APP: variants seen among roughly 807,000 people sequenced by gnomAD.
APP encodes the protein amyloid beta precursor protein.
Under a neutral mutation model 101.4 loss-of-function variants are expected in APP, and 31 were observed. That is an observed-to-expected ratio of 0.31 (90% confidence interval 0.23 to 0.41). APP has a LOEUF of 0.41. Ranked by LOEUF, APP falls within the 10% of genes least tolerant of loss-of-function variation. APP has a pLI of 1.00. For missense variants in APP, 839 were observed against 1,003.7 expected (o/e 0.84, Z 2.22); for synonymous variants, 366 against 364.4 (o/e 1.00, Z -0.05).
At chr21:26,064,778 T>A (rs1433032122) in intron 3 of APP, among the ~76,000 whole-genome samples, 1 of 152,232 alleles carries the variant, frequency 6.6e-6, no homozygotes, top group Non-Finnish European at 1.5e-5. Flanking sequence ...GGCTCAGATG[T>A]TCCTTACAGA....
At chr21:25,892,042 A>C (rs571117086) in intron 16 of APP, among the ~76,000 whole-genome samples, 174 bp from the exon 17 acceptor site, 1 of 103,568 alleles carries the variant, frequency 9.7e-6, no homozygotes, top group South Asian at 4.6e-4. Flanking sequence ...TTTGATGCTT[A>C]CTTTAAAAAA....
At chr21:25,974,653 G>A (rs565611226) in intron 11 of APP, among the ~76,000 whole-genome samples, 2 of 152,196 alleles carry the variant, frequency 1.3e-5, no homozygotes, top group Non-Finnish European at 2.9e-5. Flanking sequence ...CTGCAACTGT[G>A]AGAAATAAAC....
At chr21:25,915,345 G>A (rs573764120) in intron 13 of APP, among the ~76,000 whole-genome samples, 2 of 152,296 alleles carry the variant, frequency 1.3e-5, no homozygotes, top group South Asian at 4.1e-4. Context: ...TCCCAAGGCA[G>A]GCATTATTAA....
chr21:26,039,519 A>T (rs1168099404), intron 5 of APP, among the ~76,000 whole-genome samples: 1 of 152,242 alleles, frequency 6.6e-6, no homozygotes. Flanking sequence ...ATAATTTCTA[A>T]TATCAAACTA....
intron 1 of APP, among the ~76,000 whole-genome samples, chr21:26,117,143 C>T (rs2062452964): frequency 6.6e-6 from 1 of 152,200 alleles, no homozygotes; most frequent in African/African-American, 2.4e-5. Flanking sequence ...CTCGGCCTCC[C>T]AAAATGTTGG....
At chr21:26,000,954 T>TA (rs1487345794) in intron 6 of APP, among the ~76,000 whole-genome samples, 1 of 151,806 alleles carries the variant, frequency 6.6e-6, no homozygotes, top group Non-Finnish European at 1.5e-5. Flanking sequence ...ATTTATATAT[T>TA]AAAAATCTGT....
rs183506283 is a variant in APP at position 26,028,030 on chromosome 21, A to C, written c.663-5988T>G. 3.7e-3 allele frequency among the ~76,000 whole-genome samples: 568 copies of C among 152,190 alleles called. 5 individuals carry two copies. Among genetic ancestry groups the C allele is most frequent in the Non-Finnish European group, 6.3e-3 (430 of 67,996 alleles). ...GCCAACATAGTGAAATTCCGTCTCT[A>C]CTAAAAATACAAAAAATTAGCTGGA... On this transcript the variant is annotated intron_variant, in intron 5 of 17. Coordinates refer to ENST00000346798, the MANE Select transcript of APP (RefSeq NM_000484.4).
intron 9 of APP, among the ~76,000 whole-genome samples, chr21:25,981,683 T>TAA (rs146161498): frequency 1.4e-4 from 20 of 141,676 alleles, no homozygotes; most frequent in East Asian, 2.1e-4. Context: ...AAGGACCTGC[T>TAA]AAAAAAAAAC....
intron 8 of APP, among the ~76,000 whole-genome samples, 164 bp from the exon 9 acceptor site, chr21:25,982,641 C>G (rs2042478308): frequency 6.6e-6 from 1 of 152,144 alleles, no homozygotes; most frequent in Non-Finnish European, 1.5e-5. Context: ...CACCATGAGA[C>G]ACTGTGCAGC....
intron 3 of APP, among the ~76,000 whole-genome samples, chr21:26,086,074 C>T (rs555419812): frequency 6.6e-6 from 1 of 152,298 alleles, no homozygotes; most frequent in African/African-American, 2.4e-5. Context: ...AGAAAAGTGC[C>T]AATTTCAACA....
At chr21:25,968,197 C>A (rs1441680131) in intron 11 of APP, among the ~76,000 whole-genome samples, 1 of 152,100 alleles carries the variant, frequency 6.6e-6, no homozygotes, top group Non-Finnish European at 1.5e-5. Flanking sequence ...GTCATCCAGG[C>A]TGGAGTGCAG....
At chr21:25,950,381 C>CTTTT (rs57124711) in intron 13 of APP, among the ~76,000 whole-genome samples, 1 of 133,134 alleles carries the variant, frequency 7.5e-6, no homozygotes. Context: ...TTTTTTTTTT[C>CTTTT]TTTTTTTTTT....
At chr21:25,898,110 G>A in intron 15 of APP, 1 of 179,524 alleles carries the variant, frequency 5.6e-6, no homozygotes, top group South Asian at 1.2e-4. Flanking sequence ...TTAATTACCT[G>A]GTAGAACAAA....
chr21:25,910,531 T>G (rs1389460327), intron 14 of APP, among the ~76,000 whole-genome samples: 1 of 152,230 alleles, frequency 6.6e-6, no homozygotes, highest in East Asian at 1.9e-4. Context: ...ATGTTATTTG[T>G]ATCTAGAAAT....
intron 11 of APP, among the ~76,000 whole-genome samples, chr21:25,971,025 G>C (rs552544243): frequency 6.6e-6 from 1 of 152,130 alleles, no homozygotes; most frequent in African/African-American, 2.4e-5. Flanking sequence ...CCAATAACTG[G>C]ACAATATATT....
chr21:26,092,906 G>A (rs924560478), intron 2 of APP, among the ~76,000 whole-genome samples: 6 of 152,062 alleles, frequency 3.9e-5, no homozygotes, highest in African/African-American at 1.2e-4. Flanking sequence ...GTAGCAGCAG[G>A]GGATAAACTC....
chr21:26,138,099 T>C (rs958123100), intron 1 of APP, among the ~76,000 whole-genome samples: 2 of 152,182 alleles, frequency 1.3e-5, no homozygotes, highest in Non-Finnish European at 2.9e-5. Context: ...TTTCTCTCTG[T>C]ATACTGGTTT....
At chr21:26,066,553 T>C (rs2046460774) in intron 3 of APP, among the ~76,000 whole-genome samples, 1 of 151,858 alleles carries the variant, frequency 6.6e-6, no homozygotes, top group Non-Finnish European at 1.5e-5. Flanking sequence ...TTTTCCATCT[T>C]TTTGAATTTG....
intron 3 of APP, among the ~76,000 whole-genome samples, chr21:26,062,683 A>C (rs1384401245): frequency 1.3e-5 from 2 of 151,472 alleles, no homozygotes; most frequent in African/African-American, 4.8e-5. Flanking sequence ...TAAATAAATA[A>C]ATAAATAAAT....
Sources: gnomAD v4.1 joint callset for allele counts (sites outside exome capture counted in the v4.1 genomes callset) on GRCh38, gnomAD v4.1.1 for gene constraint, MANE v1.5 for transcripts, NCBI Gene and HGNC (gene_info 2026-07-23, HGNC 2026-07-21) for gene names.